AREL1: variants seen among roughly 807,000 people sequenced by gnomAD.
The protein encoded by AREL1 is apoptosis-resistant E3 ubiquitin protein ligase 1.
A neutral mutation model predicts 99.0 loss-of-function variants in AREL1; 62 were observed. The ratio of observed to expected loss-of-function variants is 0.63; its 90% confidence interval spans 0.51 to 0.77. The LOEUF (loss-of-function observed/expected upper bound fraction) is 0.77. Ranked by LOEUF, AREL1 falls within the 30% of genes least tolerant of loss-of-function variation. The pLI is 0.00. For missense variants in AREL1, 879 were observed against 1,027.6 expected (o/e 0.86, Z 1.98); for synonymous variants, 380 against 376.5 (o/e 1.01, Z -0.11).
intron 5 of AREL1, among the ~76,000 whole-genome samples, chr14:74,680,086 G>C (rs1314674019): frequency 6.6e-6 from 1 of 151,802 alleles, no homozygotes; most frequent in East Asian, 1.9e-4. Flanking sequence ...TGACACAGGA[G>C]AATTGCCAGA....
At chr14:74,689,620 G>T (rs566685055) in intron 2 of AREL1, among the ~76,000 whole-genome samples, 7 of 130,666 alleles carry the variant, frequency 5.4e-5, no homozygotes, top group African/African-American at 2.0e-4. Flanking sequence ...TTTTTGGGAC[G>T]GAGTTTCACT....
Position 74,683,495 on chromosome 14 carries a change from C to T in AREL1, c.282G>A (p.Arg94=), listed in dbSNP as rs1195576128. The stretch of plus-strand genomic sequence containing the variant: ...AGATGTGAACTCTTAGTCCCACAGG[C>T]CGATGTGCAGGGAAAGGCTGCCCGT... ...YKNGQPFPAH[R]PVGLRVHISH... The change falls in exon 5 of 20, where the codon CGG becomes CGA. Residue 94 remains arginine, a synonymous_variant. Coordinates refer to ENST00000356357, the MANE Select transcript of AREL1 (RefSeq NM_001039479.2). The T allele has an allele frequency of 1.2e-6, 2 of 1,613,930 alleles. No homozygotes were observed. The highest frequency in any genetic ancestry group is 2.2e-5 in the East Asian group (1 of 44,884).
intron 2 of AREL1, among the ~76,000 whole-genome samples, chr14:74,689,797 T>C (rs1227742184): frequency 1.3e-5 from 2 of 151,772 alleles, no homozygotes; most frequent in Non-Finnish European, 2.9e-5. Flanking sequence ...GGTTTCTCCA[T>C]GTTGGTCAGG....
chr14:74,690,650 T>C (rs1043151893), intron 2 of AREL1, among the ~76,000 whole-genome samples: 2 of 152,224 alleles, frequency 1.3e-5, no homozygotes, highest in African/African-American at 2.4e-5. Context: ...CCAAGTCTAA[T>C]TGCAGTACAA....
chr14:74,708,091 G>A (rs1010744123), intron 1 of AREL1, among the ~76,000 whole-genome samples: 1 of 152,096 alleles, frequency 6.6e-6, no homozygotes, highest in Admixed American at 6.6e-5. Context: ...TTTAGTAATA[G>A]TATTGTACCA....
In AREL1 at chr14:74,683,415, G is replaced by C; in HGVS notation, c.362C>G (p.Pro121Arg). ...IPVTQEVLQE[P>R]NSNVVKVAFT... ...GGCCACTTTTACTACGTTGGAATTG[G>C]GCTCCTGAAGGACTTCCTGGGTCAC... The change falls in exon 5 of 20, where the codon CCC becomes CGC. Residue 121 changes from proline (P) to arginine (R), a missense_variant. Transcript: ENST00000356357. 6.2e-7 allele frequency: 1 copy of C among 1,614,094 alleles called. No individual in the cohort carries two copies.
At position 74,674,091 on chromosome 14, in the gene AREL1, G is replaced by C. The variant is rs2089418537; in HGVS notation, c.1101C>G (p.Phe367Leu). Residue 367 changes from phenylalanine to leucine, a missense_variant, in exon 9 of 20, where the codon TTC becomes TTG. Phe to Leu is a conservative substitution (Grantham distance 22). Transcript: ENST00000356357. ...VSPKQFSVKE[F>L]YLKIIPWRLY... ...GGCGCCAGGGGATGATCTTCAGGTA[G>C]AACTCCTTCACTGAGAATTGCTGGA... is the stretch of plus-strand genomic sequence containing the variant. The C allele has an allele frequency of 6.2e-7, 1 of 1,613,798 alleles. No individual in the cohort carries two copies. Among genetic ancestry groups the C allele is most frequent in the Non-Finnish European group, 8.5e-7 (1 of 1,179,752 alleles).
At chr14:74,683,234 A>G in intron 5 of AREL1, 62 bp downstream of exon 5, 2 of 1,191,814 alleles carry the variant, frequency 1.7e-6, no homozygotes, top group Non-Finnish European at 2.4e-6. Context: ...AAAAGGAAAG[A>G]CAGGATGGAA....
Position 74,684,449 on chromosome 14 carries a change from C to T in AREL1, c.243+5G>A. The T allele has an allele frequency of 6.2e-7, 1 of 1,613,902 alleles. No homozygotes were observed. The highest frequency in any genetic ancestry group is 8.5e-7 in the Non-Finnish European group (1 of 1,179,822). ...ATGGGTATGGAGACAGAAACATTCC[C>T]TTACATGCACTCGGAAGGCCATGCT... is the stretch of plus-strand genomic sequence containing the variant. On this transcript the variant is annotated splice_donor_5th_base_variant and intron_variant, in intron 4 of 19. Transcript: ENST00000356357.
intron 1 of AREL1, among the ~76,000 whole-genome samples, chr14:74,699,348 G>GGTGTGTGTGTGTGTGTGTGT (rs770359342): frequency 2.1e-5 from 3 of 143,454 alleles, no homozygotes; most frequent in African/African-American, 8.0e-5. Flanking sequence ...GACAGTGAGG[G>GGTGTGTGTGTGTGTGTGTGT]GTGTGTGTGT....
At chr14:74,670,672 G>A (rs561852324) in intron 13 of AREL1, 90 bp downstream of exon 13, 20 of 1,078,840 alleles carry the variant, frequency 1.9e-5, no homozygotes, top group Middle Eastern at 2.1e-4. Flanking sequence ...AGGTTGTCAG[G>A]TTCCCAGATC....
At chr14:74,711,948 T>C (rs1044604077) in intron 1 of AREL1, 4 of 146,632 alleles carry the variant, frequency 2.7e-5, no homozygotes, top group African/African-American at 1.0e-4. Context: ...CTTCCAACTC[T>C]AGGATAGCAT....
rs928833019 is a variant in AREL1, at chr14:74,663,609, G to A, written c.*111C>T. On this transcript the variant is annotated 3_prime_UTR_variant, in exon 20 of 20. Coordinates refer to ENST00000356357, the MANE Select transcript of AREL1 (RefSeq NM_001039479.2). Reference sequence around the variant, plus strand: ...ATCCTCCAGACACAGGGGAGCATGCGGCATCTTCTGGCTGATGGTTATGTG... The same window carrying A: ...ATCCTCCAGACACAGGGGAGCATGCAGCATCTTCTGGCTGATGGTTATGTG... 27 of 1,103,358 alleles carry A rather than the reference G, an allele frequency of 2.4e-5. No individual in the cohort carries two copies. The highest frequency in any genetic ancestry group is 9.2e-5 in the African/African-American group (6 of 65,212). The allele number at this position is 1,103,358 out of a possible 1,614,324, so 68.3% of individuals were successfully genotyped here.
Position 74,667,644 on chromosome 14 carries a change from T to C in AREL1, c.1915-50A>G, listed in dbSNP as rs754078549. 6 of 1,546,988 alleles carry C rather than the reference T, an allele frequency of 3.9e-6. No homozygotes were observed. In the African/African-American group the frequency reaches 5.5e-5, roughly 14 times the overall value. ...CAAGGGAGAGGCTGTGGATGGAAATTTATGAGATGACATCTGCCTGGATGT... is the reference window on the plus strand; with the variant it reads ...CAAGGGAGAGGCTGTGGATGGAAATCTATGAGATGACATCTGCCTGGATGT... On this transcript the variant is annotated intron_variant, in intron 15 of 19. Transcript: ENST00000356357.
Position 74,699,585 on chromosome 14 carries a change from C to A in AREL1, c.-333-7257G>T, listed in dbSNP as rs561011793. ...ATCAATCTTTCTTATACATACTGCT[C>A]TCATTTATTTTAATATGTATATTAT... On this transcript the variant is annotated intron_variant, in intron 1 of 19. Transcript: ENST00000356357. Among the ~76,000 whole-genome samples, 6 of 152,172 alleles carry A rather than the reference C, an allele frequency of 3.9e-5. No homozygotes were observed. In the East Asian group the frequency reaches 1.2e-3, roughly 29 times the overall value.
chr14:74,673,039 C>A (rs1441142951), intron 10 of AREL1, 38 bp downstream of exon 10: 1 of 1,614,034 alleles, frequency 6.2e-7, no homozygotes, highest in South Asian at 1.1e-5. Flanking sequence ...TGTGGCTGGG[C>A]TCACTACCTT....
rs562284150 is a variant in AREL1 at position 74,700,305 on chromosome 14, C to T, written c.-333-7977G>A. 9.9e-5 allele frequency among the ~76,000 whole-genome samples: 15 copies of T among 152,264 alleles called. No homozygotes were observed. In the East Asian group the frequency reaches 2.9e-3, roughly 29 times the overall value. On this transcript the variant is annotated intron_variant, in intron 1 of 19. Transcript: ENST00000356357. ...GATTAGGAAACAGAAGCACAGAAAGCTAAAATGACTTGCCTATAGCCATCT... is the reference window on the plus strand; with the variant it reads ...GATTAGGAAACAGAAGCACAGAAAGTTAAAATGACTTGCCTATAGCCATCT...
At chr14:74,676,351 C>T in intron 6 of AREL1, 30 bp from the exon 7 acceptor site, 1 of 1,603,800 alleles carries the variant, frequency 6.2e-7, no homozygotes, top group South Asian at 1.1e-5. Context: ...CATCACTTAA[C>T]ATATAGTATT....
intron 1 of AREL1, among the ~76,000 whole-genome samples, chr14:74,705,168 T>C (rs930223826): frequency 6.6e-6 from 1 of 152,160 alleles, no homozygotes; most frequent in Non-Finnish European, 1.5e-5. Flanking sequence ...GCCTCCCAAG[T>C]AGCTGGGATT....
Sources: allele counts gnomAD v4.1 joint callset (sites outside exome capture counted in the v4.1 genomes callset), GRCh38; gene constraint gnomAD v4.1.1; transcripts MANE v1.5; gene names NCBI Gene and HGNC (gene_info 2026-07-23, HGNC 2026-07-21).